The following PTPRM variants were observed in gnomAD, a reference collection of about 807,000 sequenced individuals.
The protein encoded by PTPRM is protein tyrosine phosphatase receptor type M.
A neutral mutation model predicts 186.7 loss-of-function variants in PTPRM; 47 were observed. The ratio of observed to expected loss-of-function variants is 0.25; its 90% confidence interval spans 0.20 to 0.32. The LOEUF is 0.32. Among genes scored for constraint, PTPRM ranks in the 10% least tolerant of loss-of-function variants. The pLI is 1.00. For synonymous variants in PTPRM, 668 were observed against 674.9 expected, an observed-to-expected ratio of 0.99 and a Z score of 0.16; for missense variants, 1,494 against 1,865.0, an observed-to-expected ratio of 0.80 and a Z score of 3.66.
intron 20 of PTPRM, among the ~76,000 whole-genome samples, chr18:8,313,061 A>G (rs2095281479): frequency 6.6e-6 from 1 of 152,230 alleles, no homozygotes; most frequent in South Asian, 2.1e-4. Context: ...GAATGGGTCC[A>G]GGTCAATAGT....
intron 13 of PTPRM, among the ~76,000 whole-genome samples, chr18:8,119,351 A>C (rs1022654627): frequency 9.9e-5 from 15 of 152,202 alleles, no homozygotes; most frequent in African/African-American, 3.6e-4. Flanking sequence ...TGTAGGCCAT[A>C]ATGGTACAGA....
chr18:7,956,749 C>G (rs1171603086), intron 7 of PTPRM, among the ~76,000 whole-genome samples: 1 of 152,220 alleles, frequency 6.6e-6, no homozygotes, highest in Non-Finnish European at 1.5e-5. Flanking sequence ...GTCATCTCCT[C>G]TATTTAGTTG....
At chr18:8,153,628 C>T (rs895554904) in intron 14 of PTPRM, among the ~76,000 whole-genome samples, 1 of 152,204 alleles carries the variant, frequency 6.6e-6, no homozygotes, top group African/African-American at 2.4e-5. Context: ...CTTGAGCAGT[C>T]TTGTACAAAC....
chr18:7,780,286 T>C (rs1289116520), intron 2 of PTPRM, among the ~76,000 whole-genome samples: 2 of 152,306 alleles, frequency 1.3e-5, no homozygotes, highest in South Asian at 2.1e-4. Context: ...TTTTACAACA[T>C]AGGAAACTGA....
intron 7 of PTPRM, among the ~76,000 whole-genome samples, chr18:8,038,580 C>T (rs1443646309): frequency 5.3e-5 from 8 of 151,916 alleles, no homozygotes; most frequent in African/African-American, 1.7e-4. Context: ...TTAGTAGAGA[C>T]GGGGTTTCAA....
At chr18:7,723,884 T>C (rs1005713912) in intron 1 of PTPRM, among the ~76,000 whole-genome samples, 2 of 152,190 alleles carry the variant, frequency 1.3e-5, no homozygotes, top group African/African-American at 4.8e-5. Flanking sequence ...TTGCACTCTT[T>C]TCCTTGTTAC....
At chr18:7,827,131 G>A (rs2045526965) in intron 2 of PTPRM, among the ~76,000 whole-genome samples, 1 of 152,110 alleles carries the variant, frequency 6.6e-6, no homozygotes, top group African/African-American at 2.4e-5. Flanking sequence ...ATCTTATTGT[G>A]TATGGACTGT....
At chr18:8,239,122 T>C (rs1304644062) in intron 14 of PTPRM, among the ~76,000 whole-genome samples, 1 of 148,096 alleles carries the variant, frequency 6.8e-6, no homozygotes, top group African/African-American at 2.5e-5. Context: ...ATTAGGTATA[T>C]CTCCTAATGC....
chr18:8,168,410 TA>T (rs966821045), intron 14 of PTPRM, among the ~76,000 whole-genome samples: 3 of 152,174 alleles, frequency 2.0e-5, no homozygotes, highest in African/African-American at 7.2e-5. Flanking sequence ...AATATCATCA[TA>T]AATATGTAAA....
intron 19 of PTPRM, among the ~76,000 whole-genome samples, chr18:8,280,990 C>A (rs926728274): frequency 1.3e-5 from 2 of 152,150 alleles, no homozygotes; most frequent in African/African-American, 4.8e-5. Flanking sequence ...CCATGATAGA[C>A]TTTTGAAGGA....
chr18:8,266,115 C>G (rs183594401), intron 19 of PTPRM, among the ~76,000 whole-genome samples: 1 of 152,052 alleles, frequency 6.6e-6, no homozygotes, highest in East Asian at 1.9e-4. Context: ...CAGCCTCTTC[C>G]GAATCTCACT....
rs115502092 is a variant in PTPRM at position 8,346,687 on chromosome 18, T to G, written c.3054+3167T>G. Reference sequence around the variant, plus strand: ...GTTCCTGCCCATTCCGAGGACTCAATAATACAGCTATTAGTGTAACCGTAG... The same window carrying G: ...GTTCCTGCCCATTCCGAGGACTCAAGAATACAGCTATTAGTGTAACCGTAG... On this transcript the variant is annotated intron_variant, in intron 23 of 32. Transcript: ENST00000580170. 8.9e-3 allele frequency among the ~76,000 whole-genome samples: 1,354 copies of G among 152,146 alleles called. 6 individuals carry two copies. The highest frequency in any genetic ancestry group is 0.014 in the African/African-American group (592 of 41,484).
chr18:7,993,187 A>G (rs1330481418), intron 7 of PTPRM, among the ~76,000 whole-genome samples: 2 of 152,032 alleles, frequency 1.3e-5, no homozygotes, highest in East Asian at 1.9e-4. Context: ...ACATAAATGA[A>G]TGAAAAAAAT....
intron 1 of PTPRM, among the ~76,000 whole-genome samples, chr18:7,742,922 C>A (rs2040911718): frequency 6.6e-6 from 1 of 152,142 alleles, no homozygotes; most frequent in African/African-American, 2.4e-5. Flanking sequence ...GATTGATTTG[C>A]ATAGATTATT....
chr18:7,769,324 T>G (rs1424086129), intron 1 of PTPRM, among the ~76,000 whole-genome samples: 1 of 152,184 alleles, frequency 6.6e-6, no homozygotes, highest in Admixed American at 6.5e-5. Context: ...GGACAGGCTG[T>G]GTAACTTTGT....
At chr18:8,020,604 C>T (rs1009898603) in intron 7 of PTPRM, among the ~76,000 whole-genome samples, 13 of 152,154 alleles carry the variant, frequency 8.5e-5, no homozygotes, top group African/African-American at 2.9e-4. Context: ...TGGAATGTTT[C>T]GGGTGTCTCT....
At chr18:8,341,827 T>C (rs1196949651) in intron 22 of PTPRM, among the ~76,000 whole-genome samples, 1 of 152,238 alleles carries the variant, frequency 6.6e-6, no homozygotes, top group Non-Finnish European at 1.5e-5. Context: ...TAGTGATTGA[T>C]GGAATCCGAT....
chr18:8,038,065 G>A (rs377138902), intron 7 of PTPRM, among the ~76,000 whole-genome samples: 1 of 152,118 alleles, frequency 6.6e-6, no homozygotes, highest in East Asian at 1.9e-4. Flanking sequence ...TTAACTTATG[G>A]TGCATATTCA....
intron 11 of PTPRM, among the ~76,000 whole-genome samples, chr18:8,094,752 A>T (rs1242398271): frequency 6.6e-6 from 1 of 152,170 alleles, no homozygotes; most frequent in African/African-American, 2.4e-5. Context: ...TTTTAGACAG[A>T]ATTTTTCATT....
Sources: gnomAD v4.1 joint callset for allele counts (sites outside exome capture counted in the v4.1 genomes callset) on GRCh38, gnomAD v4.1.1 for gene constraint, MANE v1.5 for transcripts, NCBI Gene and HGNC (gene_info 2026-07-23, HGNC 2026-07-21) for gene names.